The following PLA2G4A variants were observed in gnomAD, a reference collection of about 807,000 sequenced individuals.
PLA2G4A encodes the protein cytosolic phospholipase A2.
In PLA2G4A, 40 loss-of-function variants were observed where a neutral mutation model predicts 81.9. The ratio of observed to expected loss-of-function variants is 0.49; its 90% CI spans 0.38 to 0.64. PLA2G4A has a LOEUF of 0.64. PLA2G4A is among the 30% of genes least tolerant of loss of function. PLA2G4A has a pLI of 0.00. For synonymous variants in PLA2G4A, 302 were observed against 296.9 expected (o/e 1.02, Z -0.18); for missense variants, 715 against 905.1 (o/e 0.79, Z 2.69).
intron 1 of PLA2G4A, among the ~76,000 whole-genome samples, chr1:186,831,783 G>T (rs1274486787): frequency 6.6e-6 from 1 of 151,924 alleles, no homozygotes; most frequent in Non-Finnish European, 1.5e-5. Context: ...TATCTATTGA[G>T]TACCCAGTAT....
intron 3 of PLA2G4A, among the ~76,000 whole-genome samples, chr1:186,871,471 T>C (rs963923663): frequency 6.6e-6 from 1 of 152,126 alleles, no homozygotes; most frequent in Non-Finnish European, 1.5e-5. Flanking sequence ...GAGATTGCAA[T>C]GTATCGTCCA....
At position 186,829,632 on chromosome 1, in the gene PLA2G4A, G is replaced by GA. The variant is rs201180480; in HGVS notation, c.-70+607dup. On this transcript the variant is annotated intron_variant, in intron 1 of 17. Transcript: ENST00000367466. ...CCCTAAGTTACTTGGCTTGCCAAGA[G>GA]AAAAAAAAAATCTCAAAACTAGATA... 4.7e-3 allele frequency among the ~76,000 whole-genome samples: 686 copies of GA among 146,768 alleles called. 4 individuals are homozygous for GA. The highest frequency in any genetic ancestry group is 0.026 in the South Asian group (120 of 4,686).
At chr1:186,949,055 T>C (rs567685500) in intron 12 of PLA2G4A, among the ~76,000 whole-genome samples, 2 of 152,306 alleles carry the variant, frequency 1.3e-5, no homozygotes, top group Admixed American at 1.3e-4. Context: ...TAACTCTGAA[T>C]GAAACTACTT....
At chr1:186,930,625 G>A (rs1211601289) in intron 7 of PLA2G4A, among the ~76,000 whole-genome samples, 3 of 152,018 alleles carry the variant, frequency 2.0e-5, no homozygotes, top group Non-Finnish European at 4.4e-5. Context: ...TCTAAACTAC[G>A]TGATTTGTAT....
intron 3 of PLA2G4A, 77 bp from the exon 4 acceptor site, chr1:186,892,934 C>A: frequency 1.0e-6 from 1 of 999,660 alleles, no homozygotes; most frequent in Non-Finnish European, 1.6e-6. Flanking sequence ...AATAAACTGA[C>A]AACATATATT....
At chr1:186,829,122 T>A (rs1002116902) in intron 1 of PLA2G4A, 87 bp downstream of exon 1, 1 of 152,272 alleles carries the variant, frequency 6.6e-6, no homozygotes, top group Non-Finnish European at 1.5e-5. Context: ...CTTGGTAGTT[T>A]ACTTGGAAGG....
At position 186,893,031 on chromosome 1, in the gene PLA2G4A, G is replaced by A; in HGVS notation, c.136G>A (p.Val46Met). ...GDMLDTPDPY[V>M]ELFISTTPDS... is the part of the protein sequence containing the mutation. ...TGTAGTTGATACTCCAGATCCCTAT[G>A]TGGAACTTTTTATCTCTACAACCCC... is the stretch of plus-strand genomic sequence containing the variant. The change falls in exon 4 of 18, where the codon GTG (valine) becomes ATG (methionine). Residue 46 changes from valine (V) to methionine (M), a missense_variant. Physicochemically the swap from Val to Met is conservative, Grantham distance 21 (BLOSUM62 1). Transcript: ENST00000367466. The A allele has an allele frequency of 1.2e-6, 2 of 1,610,364 alleles. No individual in the cohort carries two copies. Among genetic ancestry groups the A allele is most frequent in the South Asian group, 1.1e-5 (1 of 91,016 alleles).
intron 15 of PLA2G4A, among the ~76,000 whole-genome samples, chr1:186,972,871 C>T (rs12720673): frequency 8.5e-5 from 13 of 152,116 alleles, no homozygotes; most frequent in Admixed American, 2.6e-4. Context: ...CCACTAAAAA[C>T]GGAAAAAGTA....
intron 15 of PLA2G4A, among the ~76,000 whole-genome samples, chr1:186,968,612 C>T (rs1028538651): frequency 1.1e-4 from 16 of 151,742 alleles, no homozygotes; most frequent in African/African-American, 3.9e-4. Context: ...TATACTATCT[C>T]TGTATACAGA....
chr1:186,978,094 C>T (rs1000225863), intron 16 of PLA2G4A, among the ~76,000 whole-genome samples: 1 of 152,124 alleles, frequency 6.6e-6, no homozygotes, highest in Non-Finnish European at 1.5e-5. Flanking sequence ...AATATTTTGA[C>T]TATCACCCTT....
At chr1:186,909,107 G>T (rs1654847658) in intron 6 of PLA2G4A, among the ~76,000 whole-genome samples, 1 of 149,926 alleles carries the variant, frequency 6.7e-6, no homozygotes, top group African/African-American at 2.4e-5. Flanking sequence ...CCGAGTAGCT[G>T]GGACTACAGG....
chr1:186,865,816 C>A (rs930098279), intron 2 of PLA2G4A, among the ~76,000 whole-genome samples: 1 of 151,964 alleles, frequency 6.6e-6, no homozygotes, highest in Non-Finnish European at 1.5e-5. Flanking sequence ...TTACATATAT[C>A]AATATACTTA....
rs556189502 is a variant in PLA2G4A at position 186,984,683 on chromosome 1, T to C, written c.2119-3694T>C. Among the ~76,000 whole-genome samples, 283 of 152,374 alleles carry C rather than the reference T, an allele frequency of 1.9e-3. 1 individual carries two copies. Among genetic ancestry groups the C allele is most frequent in the Non-Finnish European group, 3.5e-3 (239 of 68,032 alleles). On this transcript the variant is annotated intron_variant, in intron 17 of 17. Coordinates refer to ENST00000367466, the MANE Select transcript of PLA2G4A (RefSeq NM_024420.3). Reference sequence around the variant, plus strand: ...TTATAAGCTTACTATTATGTATTATTGCCTAATATATTAGTCCATAACTCA... The same window carrying C: ...TTATAAGCTTACTATTATGTATTATCGCCTAATATATTAGTCCATAACTCA...
chr1:186,949,859 C>CA lies in PLA2G4A; in HGVS notation c.1265-780dup, dbSNP rs10592003. 1.4e-3 allele frequency among the ~76,000 whole-genome samples: 200 copies of CA among 147,416 alleles called. 2 individuals carry two copies. Among genetic ancestry groups the CA allele is most frequent in the Admixed American group, 0.011 (162 of 14,842 alleles). On this transcript the variant is annotated intron_variant, in intron 12 of 17. Transcript: ENST00000367466. ...CAATAGAGTGAGACTTCATTTCTAC[C>CA]AAAAAAAAAAAAAAAAAATTAAAAA... is the stretch of plus-strand genomic sequence containing the variant.
chr1:186,895,493 T>C (rs1193933195), intron 5 of PLA2G4A, among the ~76,000 whole-genome samples: 3 of 152,244 alleles, frequency 2.0e-5, no homozygotes, highest in African/African-American at 7.2e-5. Flanking sequence ...AGATCTGCTG[T>C]GTGCCAGCCA....
At chr1:186,936,480 A>C (rs1571418358) in intron 8 of PLA2G4A, among the ~76,000 whole-genome samples, 3 of 152,046 alleles carry the variant, frequency 2.0e-5, no homozygotes, top group South Asian at 4.1e-4. Flanking sequence ...TTTTATGGGA[A>C]AATTAATTTA....
intron 5 of PLA2G4A, among the ~76,000 whole-genome samples, chr1:186,902,365 C>G (rs1201967380): frequency 6.6e-6 from 1 of 151,998 alleles, no homozygotes. Flanking sequence ...GACAAATGCT[C>G]CTTCTAACAA....
At chr1:186,890,331 T>C (rs1317029266) in intron 3 of PLA2G4A, among the ~76,000 whole-genome samples, 1 of 152,156 alleles carries the variant, frequency 6.6e-6, no homozygotes, top group Non-Finnish European at 1.5e-5. Flanking sequence ...AGATGTATAA[T>C]TTCATCCATA....
intron 5 of PLA2G4A, among the ~76,000 whole-genome samples, chr1:186,894,433 G>A (rs12720534): frequency 0.032 from 4,909 of 152,054 alleles, 275 homozygotes; most frequent in African/African-American, 0.11. Flanking sequence ...CACTACTAAG[G>A]CTTTAATCTC....
Sources: allele counts gnomAD v4.1 joint callset (sites outside exome capture counted in the v4.1 genomes callset), GRCh38; gene constraint gnomAD v4.1.1; transcripts MANE v1.5; gene names NCBI Gene and HGNC (gene_info 2026-07-23, HGNC 2026-07-21).